Variants in C2CD3 observed in about 807,000 individuals in gnomAD.
C2CD3 encodes the protein C2 domain-containing protein 3.
A neutral mutation model predicts 234.0 loss-of-function variants in C2CD3; 148 were observed. That is an observed-to-expected ratio of 0.63 (90% CI 0.55 to 0.72). The LOEUF (loss-of-function observed/expected upper bound fraction) is 0.72, where lower values mean the gene tolerates loss of function less well. Ranked by LOEUF, C2CD3 falls within the 30% of genes least tolerant of loss-of-function variation. The probability of loss-of-function intolerance (pLI) is 0.00; values close to 1 mark genes in which losing one functional copy is unlikely to be tolerated. For synonymous variants in C2CD3, 1,000 were observed against 1,035.4 expected (o/e 0.97, Z 0.66); for missense variants, 2,577 against 2,811.5 (o/e 0.92, Z 1.89).
intron 31 of C2CD3, among the ~76,000 whole-genome samples, chr11:74,029,523 GA>G (rs1952436353): frequency 6.6e-6 from 1 of 152,248 alleles, no homozygotes; most frequent in Non-Finnish European, 1.5e-5. Flanking sequence ...ATCCCGAAGG[GA>G]AAGACCCTTT....
rs373568376 is a variant in C2CD3 at position 74,103,490 on chromosome 11, T to G, written c.2221A>C (p.Thr741Pro). 6.2e-7 allele frequency: 1 copy of G among 1,614,130 alleles called. No individual in the cohort carries two copies. The highest frequency in any genetic ancestry group is 1.3e-5 in the African/African-American group (1 of 74,940). ...AAGTTTTGTGGATTTTTGGTACAGG[T>G]CATATCTTGGTTAAGTTCTGGTAGT... Reference protein sequence around the residue: ...KALPELNQDMTCTKNPQNLNQ... With the variant: ...KALPELNQDMPCTKNPQNLNQ... Residue 741 changes from threonine to proline, a missense_variant, in exon 14 of 33, where the codon ACC (threonine) becomes CCC (proline). Thr to Pro is a conservative substitution (Grantham distance 38). Coordinates refer to ENST00000334126, the MANE Select transcript of C2CD3 (RefSeq NM_001286577.2).
chr11:74,098,705 C>T (rs919832691), intron 15 of C2CD3, among the ~76,000 whole-genome samples: 4 of 152,126 alleles, frequency 2.6e-5, no homozygotes, highest in Non-Finnish European at 2.9e-5. Flanking sequence ...ATCCTTTTAA[C>T]GCTGCAAAGG....
At chr11:74,093,372 AT>A (rs1192986149) in intron 18 of C2CD3, among the ~76,000 whole-genome samples, 7 of 148,284 alleles carry the variant, frequency 4.7e-5, no homozygotes, top group African/African-American at 1.5e-4. Flanking sequence ...ATTAAATTAT[AT>A]TTATAAAATA....
At chr11:74,137,100 G>A (rs1031099917) in intron 5 of C2CD3, among the ~76,000 whole-genome samples, 4 of 150,010 alleles carry the variant, frequency 2.7e-5, no homozygotes, top group Non-Finnish European at 4.4e-5. Flanking sequence ...AGGCTCAAGT[G>A]ATCCTCTTAC....
chr11:74,051,380 G>A (rs1037056789), intron 26 of C2CD3, among the ~76,000 whole-genome samples: 29 of 152,252 alleles, frequency 1.9e-4, no homozygotes, highest in African/African-American at 7.0e-4. Flanking sequence ...CCAGAGTGGG[G>A]GTCAAGTAAT....
Position 74,034,006 on chromosome 11 carries a change from C to A in C2CD3, c.6154G>T (p.Asp2052Tyr). 2.6e-6 allele frequency: 4 copies of A among 1,536,522 alleles called. No homozygotes were observed. The highest frequency in any genetic ancestry group is 2.6e-6 in the Non-Finnish European group (3 of 1,146,984). The change falls in exon 31 of 33, where the codon GAC (aspartate) becomes TAC (tyrosine). Residue 2052 changes from aspartate (D) to tyrosine (Y), a missense_variant. Asp to Tyr is a radical substitution (Grantham distance 160). Coordinates refer to ENST00000334126, the MANE Select transcript of C2CD3 (RefSeq NM_001286577.2). ...CTGTAGGCTGGGCCTGCCTCAGTGT[C>A]TTCACTGCTCTGCATCCTTGTAATG... The part of the protein sequence containing the change: ...VPITRMQSSE[D>Y]TEAGPAYSDE...
chr11:74,066,188 A>G (rs551187574), intron 24 of C2CD3, among the ~76,000 whole-genome samples: 1 of 144,716 alleles, frequency 6.9e-6, no homozygotes, highest in East Asian at 2.0e-4. Context: ...TGAGCAAACT[A>G]TCTCAAGGAC....
chr11:74,147,324 G>T (rs1048532201), intron 3 of C2CD3, among the ~76,000 whole-genome samples: 3 of 152,038 alleles, frequency 2.0e-5, no homozygotes, highest in Non-Finnish European at 4.4e-5. Context: ...GGCTGTCGTG[G>T]GAGGATCACT....
chr11:74,123,803 A>T (rs1375605261), intron 7 of C2CD3, among the ~76,000 whole-genome samples: 1 of 139,202 alleles, frequency 7.2e-6, no homozygotes, highest in Non-Finnish European at 1.5e-5. Flanking sequence ...CCATGGCATG[A>T]TCTAGGCTCA....
In C2CD3 at chr11:74,028,269, A is replaced by C; in HGVS notation, c.6921+18T>G. 3 of 1,489,602 alleles carry C rather than the reference A, an allele frequency of 2.0e-6. No individual in the cohort carries two copies. Among genetic ancestry groups the C allele is most frequent in the Non-Finnish European group, 2.7e-6 (3 of 1,104,938 alleles). The allele number at this position is 1,489,602 out of a possible 1,614,324, so 92.3% of individuals were successfully genotyped here. Reference sequence around the variant, plus strand: ...ATGATGACTCTATAGAAGAAAGGTCAGTTGGCCATTCTCTTACCTGATCTG... The same window carrying C: ...ATGATGACTCTATAGAAGAAAGGTCCGTTGGCCATTCTCTTACCTGATCTG... On this transcript the variant is annotated intron_variant, in intron 32 of 32. Coordinates refer to ENST00000334126, the MANE Select transcript of C2CD3 (RefSeq NM_001286577.2).
chr11:74,153,105 T>C (rs113413636), intron 3 of C2CD3, among the ~76,000 whole-genome samples: 2,653 of 152,098 alleles, frequency 0.017, 79 homozygotes, highest in African/African-American at 0.061. Context: ...GTAGTCTTAT[T>C]TACTCAGAAG....
At chr11:74,135,353 G>A (rs902403127) in intron 5 of C2CD3, among the ~76,000 whole-genome samples, 3 of 151,024 alleles carry the variant, frequency 2.0e-5, no homozygotes, top group East Asian at 1.9e-4. Context: ...CTGGAGCCTC[G>A]ACCTCCCAGG....
chr11:74,150,839 C>G (rs1855595965), intron 3 of C2CD3, among the ~76,000 whole-genome samples: 1 of 151,938 alleles, frequency 6.6e-6, no homozygotes, highest in Non-Finnish European at 1.5e-5. Flanking sequence ...TCTAATTTCC[C>G]TGATTGTTTC....
chr11:74,168,603 G>A lies in C2CD3; in HGVS notation c.66C>T (p.Asp22=). 1 of 1,613,970 alleles carries A rather than the reference G, an allele frequency of 6.2e-7. No individual in the cohort carries two copies. Among genetic ancestry groups the A allele is most frequent in the Non-Finnish European group, 8.5e-7 (1 of 1,179,866 alleles). ...SRGRKKRGLS[D]ISPSTSLPPL... The stretch of plus-strand genomic sequence containing the variant: ...GTGGCAGGCTTGTAGATGGAGAAAT[G>A]TCACTTAAACCTGTAGAGGAATCCA... The change falls in exon 2 of 33, where the codon GAC becomes GAT. Residue 22 remains aspartate (D), a synonymous_variant. Coordinates refer to ENST00000334126, the MANE Select transcript of C2CD3 (RefSeq NM_001286577.2).
chr11:74,103,728 C>T (rs1956408974), intron 13 of C2CD3, 103 bp from the exon 14 acceptor site: 3 of 932,882 alleles, frequency 3.2e-6, no homozygotes, highest in East Asian at 5.0e-5. Flanking sequence ...AATGAATTAA[C>T]TCATCCTCAA....
intron 28 of C2CD3, among the ~76,000 whole-genome samples, chr11:74,044,488 T>G (rs1013752782): frequency 1.3e-5 from 2 of 152,182 alleles, no homozygotes; most frequent in African/African-American, 4.8e-5. Flanking sequence ...GCAAATATTT[T>G]CTCCCATTCT....
Position 74,097,894 on chromosome 11 carries a change from T to A in C2CD3, c.2979+115A>T, listed in dbSNP as rs900342754. 2.0e-5 allele frequency: 20 copies of A among 1,020,936 alleles called. No homozygotes were observed. In the Middle Eastern group the frequency reaches 9.7e-4, roughly 50 times the overall value. 63.2% of individuals were successfully genotyped at this position (1,020,936 alleles called of 1,614,324 possible). On this transcript the variant is annotated intron_variant, in intron 16 of 32. Coordinates refer to ENST00000334126, the MANE Select transcript of C2CD3 (RefSeq NM_001286577.2). ...TTATAGGAAGCACTGGAGTGCACAT[T>A]ATGTTCTTTTGTTGAGCCTTTCATT...
At chr11:74,097,911 C>G (rs1360071219) in intron 16 of C2CD3, 98 bp downstream of exon 16, 4 of 1,207,716 alleles carry the variant, frequency 3.3e-6, no homozygotes, top group Non-Finnish European at 4.7e-6. Context: ...TTTTGTTGAG[C>G]CTTTCATTAC....
intron 28 of C2CD3, among the ~76,000 whole-genome samples, chr11:74,044,369 C>T (rs1953246273): frequency 6.6e-6 from 1 of 151,588 alleles, no homozygotes; most frequent in African/African-American, 2.4e-5. Context: ...GCAGGAGAAT[C>T]GCTTGAACCC....
Sources: allele counts gnomAD v4.1 joint callset (sites outside exome capture counted in the v4.1 genomes callset), GRCh38; gene constraint gnomAD v4.1.1; transcripts MANE v1.5; gene names NCBI Gene and HGNC (gene_info 2026-07-23, HGNC 2026-07-21).